The following LRPPRC variants were observed in gnomAD, a reference collection of about 807,000 sequenced individuals.
LRPPRC encodes leucine rich pentatricopeptide repeat containing.
Under a neutral mutation model 180.3 loss-of-function variants are expected in LRPPRC, and 120 were observed. The observed-to-expected ratio is 0.67, with a 90% CI of 0.57 to 0.77. The LOEUF (loss-of-function observed/expected upper bound fraction) is 0.77, where lower values mean the gene tolerates loss of function less well. Ranked by LOEUF, LRPPRC falls within the 30% of genes least tolerant of loss-of-function variation. The pLI is 0.00. For synonymous variants in LRPPRC, 723 were observed against 600.0 expected (o/e 1.21, Z -3.00); for missense variants, 2,012 against 1,657.2 (o/e 1.21, Z -3.72).
At chr2:43,945,284 G>T in intron 22 of LRPPRC, 48 bp downstream of exon 22, 2 of 1,208,264 alleles carry the variant, frequency 1.7e-6, no homozygotes, top group Non-Finnish European at 1.2e-6. Flanking sequence ...TGTTATTCCA[G>T]TGGCAAGATA....
chr2:43,978,469 A>C (rs1674155689), intron 3 of LRPPRC, among the ~76,000 whole-genome samples: 1 of 152,146 alleles, frequency 6.6e-6, no homozygotes, highest in African/African-American at 2.4e-5. Context: ...TGGAGGAATT[A>C]ATGTTATTAC....
At chr2:43,978,619 A>G (rs183830186) in intron 3 of LRPPRC, among the ~76,000 whole-genome samples, 27 of 152,108 alleles carry the variant, frequency 1.8e-4, no homozygotes, top group African/African-American at 6.3e-4. Flanking sequence ...CTCCTTTTAT[A>G]CTTATAAAAT....
chr2:43,962,639 C>T (rs1673396292), intron 12 of LRPPRC, among the ~76,000 whole-genome samples: 1 of 152,178 alleles, frequency 6.6e-6, no homozygotes, highest in Non-Finnish European at 1.5e-5. Context: ...TCAACATCTT[C>T]ATGTGCCTCT....
chr2:43,912,561 A>G lies in LRPPRC; in HGVS notation c.3149-3T>C, dbSNP rs1205528355. ...ATTCAGGAAAATATCATATGCCCCT[A>G]TGAGAGAAAACAGACAAAAAAAATG... is the stretch of plus-strand genomic sequence containing the variant. On this transcript the variant is annotated splice_region_variant and splice_polypyrimidine_tract_variant and intron_variant, in intron 29 of 37. Transcript: ENST00000260665. The G allele has an allele frequency of 3.7e-6, 6 of 1,608,014 alleles. No individual in the cohort carries two copies. The highest frequency in any genetic ancestry group is 3.3e-5 in the Admixed American group (2 of 59,962).
chr2:43,919,429 G>A (rs1236306406), intron 27 of LRPPRC, among the ~76,000 whole-genome samples: 3 of 152,194 alleles, frequency 2.0e-5, no homozygotes, highest in Non-Finnish European at 4.4e-5. Flanking sequence ...ATAGAGAATT[G>A]TCTATGTTTC....
chr2:43,942,137 A>G (rs1672504755), intron 23 of LRPPRC, among the ~76,000 whole-genome samples: 1 of 152,082 alleles, frequency 6.6e-6, no homozygotes, highest in African/African-American at 2.4e-5. Context: ...CCTCTTTCGG[A>G]AAGCTTTCAG....
At chr2:43,957,967 TAATAA>T (rs1262858343) in intron 13 of LRPPRC, among the ~76,000 whole-genome samples, 1 of 152,186 alleles carries the variant, frequency 6.6e-6, no homozygotes, top group African/African-American at 2.4e-5. Flanking sequence ...CCTAAAGTAA[TAATAA>T]AATAGGTCAT....
Position 43,899,530 on chromosome 2 carries a change from G to C in LRPPRC, c.3645C>G (p.Tyr1215Ter). 6.2e-7 allele frequency: 1 copy of C among 1,612,928 alleles called. No individual in the cohort carries two copies. The highest frequency in any genetic ancestry group is 8.5e-7 in the Non-Finnish European group (1 of 1,178,950). Residue 1215 changes from tyrosine (Y) to a stop codon, truncating the protein, a stop_gained, in exon 33 of 38, where the codon TAC (tyrosine) becomes TAG (stop). Coordinates refer to ENST00000260665, the MANE Select transcript of LRPPRC (RefSeq NM_133259.4). LOFTEE classifies it high-confidence loss of function. ...TTCTGAATAAGTATGCCAAGCCGAA[G>C]TATTGGGGTTCAATGACTTTATTCT... ...TSENKVIEPQYFGLAYLFRKV... is the reference protein window; with the variant it reads ...TSENKVIEPQ
intron 12 of LRPPRC, among the ~76,000 whole-genome samples, chr2:43,961,311 T>C (rs1050332513): frequency 5.9e-5 from 9 of 152,186 alleles, no homozygotes; most frequent in South Asian, 2.1e-4. Context: ...CAGAGACTTT[T>C]AGGGGGAGTT....
chr2:43,943,051 C>A lies in LRPPRC; in HGVS notation c.2504+636G>T, dbSNP rs1008661916. On this transcript the variant is annotated intron_variant, in intron 23 of 37. Transcript: ENST00000260665. ...TAAAAAGCAAAACAGAAAACAAAAA[C>A]AAGTACAAAAGAAAAAGATGATAAA... 2.0e-5 allele frequency among the ~76,000 whole-genome samples: 3 copies of A among 151,844 alleles called. No homozygotes were observed. In the South Asian group the frequency reaches 6.2e-4, roughly 31 times the overall value.
chr2:43,956,806 C>T (rs62135102), intron 14 of LRPPRC, among the ~76,000 whole-genome samples: 10,634 of 152,200 alleles, frequency 0.07, 524 homozygotes, highest in South Asian at 0.15. Context: ...AGGAAAATCA[C>T]CTGAACCCAG....
intron 36 of LRPPRC, chr2:43,892,592 A>G (rs751065248): frequency 3.3e-5 from 5 of 152,220 alleles, no homozygotes; most frequent in Non-Finnish European, 7.3e-5. Context: ...GGAGATATAC[A>G]GGGAGATTAA....
At chr2:43,928,214 AG>A (rs1274916683) in intron 25 of LRPPRC, among the ~76,000 whole-genome samples, 1 of 152,188 alleles carries the variant, frequency 6.6e-6, no homozygotes, top group African/African-American at 2.4e-5. Context: ...TTACTTGTAT[AG>A]GGGAAAAAAA....
chr2:43,888,759 C>T (rs996538020), intron 37 of LRPPRC, 103 bp from the exon 38 acceptor site: 13 of 711,566 alleles, frequency 1.8e-5, no homozygotes, highest in African/African-American at 3.5e-5. Flanking sequence ...CTAAGACTGC[C>T]AGGCCCATGG....
chr2:43,967,937 A>C (rs1263412684), intron 11 of LRPPRC, among the ~76,000 whole-genome samples: 1 of 152,214 alleles, frequency 6.6e-6, no homozygotes, highest in Non-Finnish European at 1.5e-5. Context: ...TAAGCACCTG[A>C]CATGATGACA....
intron 20 of LRPPRC, among the ~76,000 whole-genome samples, chr2:43,946,618 G>T (rs1014284990): frequency 6.6e-6 from 1 of 151,950 alleles, no homozygotes. Context: ...AAGTTTCTCA[G>T]TCTAGTTTAG....
intron 18 of LRPPRC, 43 bp downstream of exon 18, chr2:43,948,079 T>C (rs1006770482): frequency 2.4e-6 from 3 of 1,238,786 alleles, no homozygotes; most frequent in Non-Finnish European, 3.6e-6. Context: ...CTGTTATATG[T>C]AAGTTAAGCA....
intron 34 of LRPPRC, 88 bp downstream of exon 34, chr2:43,899,131 A>T: frequency 1.2e-6 from 1 of 861,630 alleles, no homozygotes; most frequent in Non-Finnish European, 1.9e-6. Flanking sequence ...AATTTCTAGT[A>T]TTCCACCACA....
At chr2:43,917,145 A>G (rs74736956) in intron 29 of LRPPRC, among the ~76,000 whole-genome samples, 1 of 146,102 alleles carries the variant, frequency 6.8e-6, no homozygotes, top group East Asian at 2.0e-4. Flanking sequence ...GGTTCCGGTG[A>G]TTCTCCGGCC....
Sources: gnomAD v4.1 joint callset for allele counts (sites outside exome capture counted in the v4.1 genomes callset) on GRCh38, gnomAD v4.1.1 for gene constraint, MANE v1.5 for transcripts, NCBI Gene and HGNC (gene_info 2026-07-23, HGNC 2026-07-21) for gene names.